The following PLEKHM3 variants were observed in gnomAD, a reference collection of about 807,000 sequenced individuals.
PLEKHM3 encodes the protein pleckstrin homology domain containing M3.
Under a neutral mutation model 81.8 loss-of-function variants are expected in PLEKHM3, and 45 were observed. That is an observed-to-expected ratio of 0.55 (90% confidence interval 0.43 to 0.71). The LOEUF is 0.71. PLEKHM3 is among the 30% of genes least tolerant of loss of function. The pLI, the probability that PLEKHM3 is intolerant of heterozygous loss-of-function variation, is 0.00. For synonymous variants in PLEKHM3, 352 were observed against 356.4 expected (o/e 0.99, Z 0.14); for missense variants, 788 against 924.3 (o/e 0.85, Z 1.91).
intron 6 of PLEKHM3, among the ~76,000 whole-genome samples, chr2:207,888,803 A>T (rs977107252): frequency 6.6e-6 from 1 of 152,188 alleles, no homozygotes; most frequent in African/African-American, 2.4e-5. Flanking sequence ...GTTCCCTAGG[A>T]CCTATTTCTC....
intron 6 of PLEKHM3, among the ~76,000 whole-genome samples, chr2:207,866,450 C>G (rs1008931556): frequency 6.6e-6 from 1 of 152,118 alleles, no homozygotes; most frequent in Non-Finnish European, 1.5e-5. Context: ...AGCCACTGGG[C>G]CTGGCGAATT....
chr2:207,878,593 A>C (rs1442825666), intron 6 of PLEKHM3, among the ~76,000 whole-genome samples: 2 of 152,204 alleles, frequency 1.3e-5, no homozygotes, highest in Non-Finnish European at 2.9e-5. Flanking sequence ...GGGCAACAAG[A>C]GTGAAACTGT....
At chr2:207,889,351 T>A (rs150796947) in intron 6 of PLEKHM3, among the ~76,000 whole-genome samples, 1 of 151,792 alleles carries the variant, frequency 6.6e-6, no homozygotes, top group Non-Finnish European at 1.5e-5. Flanking sequence ...GACCACTTCT[T>A]TGGTAGATAG....
In PLEKHM3 at chr2:207,956,718, ATTTTTTTTTTTTT is replaced by A. The variant is rs1170073686; in HGVS notation, c.1547-10219_1547-10207del. Reference sequence around the variant, plus strand: ...ATGCCACCACACCTGGCTGATTAAAATTTTTTTTTTTTTTTTTTTTTTTTTTTTGCAGAGACCC... The same window carrying A: ...ATGCCACCACACCTGGCTGATTAAAATTTTTTTTTTTTTTTGCAGAGACCC... On this transcript the variant is annotated intron_variant, in intron 3 of 7. Coordinates refer to ENST00000427836, the MANE Select transcript of PLEKHM3 (RefSeq NM_001080475.3). Among the ~76,000 whole-genome samples, 37 of 69,148 alleles carry A rather than the reference ATTTTTTTTTTTTT, an allele frequency of 5.4e-4. 1 individual carries two copies. Among genetic ancestry groups the A allele is most frequent in the Middle Eastern group, 0.016 (1 of 64 alleles). 45.4% of individuals were successfully genotyped at this position (69,148 alleles called of 152,430 possible).
rs546312097 is a variant in PLEKHM3 at position 207,840,251 on chromosome 2, C to G, written c.2109-11755G>C. 3.3e-5 allele frequency among the ~76,000 whole-genome samples: 5 copies of G among 152,252 alleles called. 1 individual carries two copies. Among genetic ancestry groups the G allele is most frequent in the African/African-American group, 9.6e-5 (4 of 41,532 alleles). On this transcript the variant is annotated intron_variant, in intron 7 of 7. Coordinates refer to ENST00000427836, the MANE Select transcript of PLEKHM3 (RefSeq NM_001080475.3). ...GCCCAGGCTGGAGTGCAAGTGTGAT[C>G]ATAGTTCACTGCAGCCTCAAACTGC...
In PLEKHM3 at chr2:207,822,495, A is replaced by G. The variant is rs1354552751; in HGVS notation, c.*5824T>C. 6.5e-6 allele frequency: 1 copy of G among 152,970 alleles called. No homozygotes were observed. Among genetic ancestry groups the G allele is most frequent in the Admixed American group, 6.5e-5 (1 of 15,288 alleles). The allele number at this position is 152,970 out of a possible 1,614,324, so 9.5% of individuals were successfully genotyped here. Reference sequence around the variant, plus strand: ...AGCAAACAAACAAATAAACAAAAAGAGCGATTGAAGAACAGCATAAAACAA... The same window carrying G: ...AGCAAACAAACAAATAAACAAAAAGGGCGATTGAAGAACAGCATAAAACAA... On this transcript the variant is annotated 3_prime_UTR_variant, in exon 8 of 8. Transcript: ENST00000427836.
intron 6 of PLEKHM3, among the ~76,000 whole-genome samples, chr2:207,902,707 T>C (rs1268974270): frequency 3.3e-5 from 5 of 152,226 alleles, no homozygotes; most frequent in South Asian, 4.1e-4. Flanking sequence ...TTTTGTTTTG[T>C]TTAGCGGCTA....
Position 207,957,378 on chromosome 2 carries a change from T to G in PLEKHM3, c.1547-10866A>C, listed in dbSNP as rs992315098. Among the ~76,000 whole-genome samples, 62 of 152,230 alleles carry G rather than the reference T, an allele frequency of 4.1e-4. 1 individual carries two copies. The highest frequency in any genetic ancestry group is 4.1e-3 in the Admixed American group (62 of 15,278). ...CCTACTACTTTCACTTAAATTTACG[T>G]AAGATGCAGAGGTCTTAGATTATAA... On this transcript the variant is annotated intron_variant, in intron 3 of 7. Coordinates refer to ENST00000427836, the MANE Select transcript of PLEKHM3 (RefSeq NM_001080475.3).
intron 7 of PLEKHM3, among the ~76,000 whole-genome samples, chr2:207,841,321 C>A (rs1460289431): frequency 6.6e-6 from 1 of 150,536 alleles, no homozygotes; most frequent in Non-Finnish European, 1.5e-5. Flanking sequence ...AAAAATCAGC[C>A]GGGCTTGGTG....
intron 5 of PLEKHM3, among the ~76,000 whole-genome samples, chr2:207,920,474 G>A (rs945464763): frequency 1.3e-5 from 2 of 152,150 alleles, no homozygotes; most frequent in East Asian, 3.8e-4. Context: ...TTTCACTTCA[G>A]CACTCAGAAG....
In PLEKHM3 at chr2:207,976,594, A is replaced by G. The variant is rs1691315817; in HGVS notation, c.1546+57T>C. The G allele has an allele frequency of 6.7e-7, 1 of 1,496,832 alleles. No individual in the cohort carries two copies. The highest frequency in any genetic ancestry group is 9.0e-7 in the Non-Finnish European group (1 of 1,109,040). The allele number at this position is 1,496,832 out of a possible 1,614,324, so 92.7% of individuals were successfully genotyped here. ...AAGGGGATTTTTAAAGTGAATTCCA[A>G]TTGTGGGGTTCAGGATTGTTCTTTA... is the stretch of plus-strand genomic sequence containing the variant. On this transcript the variant is annotated intron_variant, in intron 3 of 7. Transcript: ENST00000427836. The surrounding 1 kb of genome is among the most constrained non-coding windows in gnomAD (Gnocchi z 4.1).
intron 6 of PLEKHM3, among the ~76,000 whole-genome samples, chr2:207,907,260 A>T (rs1303968665): frequency 6.6e-6 from 1 of 152,146 alleles, no homozygotes; most frequent in Non-Finnish European, 1.5e-5. Context: ...CCAGCACTTT[A>T]GGAGGCCAAG....
At chr2:207,842,403 G>A (rs2092359793) in intron 7 of PLEKHM3, among the ~76,000 whole-genome samples, 1 of 152,078 alleles carries the variant, frequency 6.6e-6, no homozygotes, top group African/African-American at 2.4e-5. Context: ...GTACAAGTTT[G>A]GTGGGTTAAA....
At chr2:207,989,065 T>C (rs771622208) in intron 2 of PLEKHM3, among the ~76,000 whole-genome samples, 1 of 152,224 alleles carries the variant, frequency 6.6e-6, no homozygotes, top group Non-Finnish European at 1.5e-5. Flanking sequence ...TCTTGCTTTA[T>C]TTCCTTCAAA....
intron 3 of PLEKHM3, among the ~76,000 whole-genome samples, chr2:207,966,365 A>G (rs1447210812): frequency 6.6e-6 from 1 of 152,156 alleles, no homozygotes; most frequent in Non-Finnish European, 1.5e-5. Flanking sequence ...AAAAAATACA[A>G]TCCACTCTGC....
chr2:208,016,670 T>TACACACACACACACACACACACACAC (rs370576889), intron 1 of PLEKHM3, among the ~76,000 whole-genome samples: 28 of 65,048 alleles, frequency 4.3e-4, no homozygotes, highest in African/African-American at 9.1e-4. Flanking sequence ...AAAAAAAAAA[T>TACACACACACACACACACACACACAC]ACACACACAC....
In PLEKHM3 at chr2:207,843,213, G is replaced by A. The variant is rs948065998; in HGVS notation, c.2109-14717C>T. On this transcript the variant is annotated intron_variant, in intron 7 of 7. Coordinates refer to ENST00000427836, the MANE Select transcript of PLEKHM3 (RefSeq NM_001080475.3). This position sits in a 1 kb window ranked among gnomAD's most constrained non-coding sequence, Gnocchi z 4.4. ...GATCTGCCTGTCTCAGCCTCCCAAAGTGTTGGCCTCCTTTGGCCTCCCAAA... is the reference window on the plus strand; with the variant it reads ...GATCTGCCTGTCTCAGCCTCCCAAAATGTTGGCCTCCTTTGGCCTCCCAAA... Among the ~76,000 whole-genome samples, 1 of 152,146 alleles carries A rather than the reference G, an allele frequency of 6.6e-6. No individual in the cohort carries two copies. Among genetic ancestry groups the A allele is most frequent in the African/African-American group, 2.4e-5 (1 of 41,442 alleles).
chr2:207,920,775 G>A (rs768979685), intron 5 of PLEKHM3, among the ~76,000 whole-genome samples: 4 of 151,756 alleles, frequency 2.6e-5, no homozygotes, highest in South Asian at 2.1e-4. Context: ...AGTTAACTTC[G>A]TATTTTTGTT....
In PLEKHM3 at chr2:207,973,975, C is replaced by T. The variant is rs562685575; in HGVS notation, c.1546+2676G>A. Among the ~76,000 whole-genome samples the T allele has an allele frequency of 4.6e-5, 7 of 152,190 alleles. No individual in the cohort carries two copies. The East Asian group carries it at 9.7e-4, about 21-fold the overall frequency. On this transcript the variant is annotated intron_variant, in intron 3 of 7. Coordinates refer to ENST00000427836, the MANE Select transcript of PLEKHM3 (RefSeq NM_001080475.3). ...GAAACCTGTCTCTCTCTGCCCCGTT[C>T]GTTAAAACTCCGAACCAAAGCACAA...
Sources: gnomAD v4.1 joint callset for allele counts (sites outside exome capture counted in the v4.1 genomes callset) on GRCh38, gnomAD v4.1.1 for gene constraint, Gnocchi (gnomAD v3.1) non-coding constraint, MANE v1.5 for transcripts, NCBI Gene and HGNC (gene_info 2026-07-23, HGNC 2026-07-21) for gene names.